SMCHD1: variants seen among roughly 807,000 people sequenced by gnomAD.
The protein encoded by SMCHD1 is structural maintenance of chromosomes flexible hinge domain containing 1, also known as structural maintenance of chromosomes flexible hinge domain-containing protein 1.
Under a neutral mutation model 254.7 loss-of-function variants are expected in SMCHD1, and 78 were observed. The ratio of observed to expected loss-of-function variants is 0.31; its 90% CI spans 0.26 to 0.37. SMCHD1 has a LOEUF of 0.37. SMCHD1 is among the 10% of genes least tolerant of loss of function. The pLI, the probability that SMCHD1 is intolerant of heterozygous loss-of-function variation, is 1.00. For synonymous variants in SMCHD1, 766 were observed against 794.9 expected, an observed-to-expected ratio of 0.96 and a Z score of 0.61; for missense variants, 1,840 against 2,408.1, an observed-to-expected ratio of 0.76 and a Z score of 4.94.
intron 36 of SMCHD1, among the ~76,000 whole-genome samples, chr18:2,763,111 G>A (rs2075814032): frequency 6.6e-6 from 1 of 152,162 alleles, no homozygotes; most frequent in Admixed American, 6.5e-5. Context: ...TTATTTTCCT[G>A]TTTTAGATGA....
At chr18:2,669,945 A>C (rs773836949) in intron 3 of SMCHD1, among the ~76,000 whole-genome samples, 3 of 152,160 alleles carry the variant, frequency 2.0e-5, no homozygotes, top group Non-Finnish European at 4.4e-5. Flanking sequence ...TCCTATTCTC[A>C]ATGTTTTATC....
At position 2,702,308 on chromosome 18, in the gene SMCHD1, A is replaced by AAAAAAAAAAAAAAAAAAAG. The variant is rs57964967; in HGVS notation, c.1648-1384_1648-1383insAAAAAAAAAAAAAAAAAAG. 3 of 119,786 alleles carry AAAAAAAAAAAAAAAAAAAG rather than the reference A, an allele frequency of 2.5e-5. 1 individual carries two copies. The highest frequency in any genetic ancestry group is 3.5e-5 in the Non-Finnish European group (2 of 56,456). The allele number at this position is 119,786 out of a possible 1,614,324, so 7.4% of individuals were successfully genotyped here. A position where few individuals can be genotyped will look rare whatever the true frequency, so the allele number is the denominator to read the frequency against. On this transcript the variant is annotated intron_variant, in intron 12 of 47. Coordinates refer to ENST00000320876, the MANE Select transcript of SMCHD1 (RefSeq NM_015295.3). ...TTCTGTATTTAAAAAAAAAAAAAAAAGAAGGAAATGTTCAAATACACAGAA... is the reference window on the plus strand; with the variant it reads ...TTCTGTATTTAAAAAAAAAAAAAAAAAAAAAAAAAAAAAAAAAAGGAAGGAAATGTTCAAATACACAGAA...
intron 1 of SMCHD1, among the ~76,000 whole-genome samples, chr18:2,663,637 T>C (rs2073355884): frequency 6.6e-6 from 1 of 152,118 alleles, no homozygotes; most frequent in Admixed American, 6.6e-5. Context: ...TAATGTCACC[T>C]CTCTTGTTTG....
Position 2,707,846 on chromosome 18 carries a change from C to T in SMCHD1, c.2186C>T (p.Ala729Val). Residue 729 changes from alanine (A) to valine (V), a missense_variant, in exon 17 of 48, where the codon GCA becomes GTA. By Grantham distance (64) the Ala-to-Val change is moderately conservative. Around this residue, in one of 9 missense-constraint regions of SMCHD1, gnomAD observed 498 missense variants for 743.5 expected, o/e 0.67. Transcript: ENST00000320876. ...GAAATACTGAATAAAAAAGGGGAAGCAATGCAAAAGCTTCCAGGAACAAGC... is the reference window on the plus strand; with the variant it reads ...GAAATACTGAATAAAAAAGGGGAAGTAATGCAAAAGCTTCCAGGAACAAGC... ...RIEILNKKGE[A>V]MQKLPGTSHG... is the part of the protein sequence containing the mutation. 6.2e-7 allele frequency: 1 copy of T among 1,608,702 alleles called. No homozygotes were observed. The highest frequency in any genetic ancestry group is 8.5e-7 in the Non-Finnish European group (1 of 1,177,766).
intron 20 of SMCHD1, 109 bp from the exon 21 acceptor site, chr18:2,724,790 A>G: frequency 2.2e-6 from 1 of 455,038 alleles, no homozygotes; most frequent in Non-Finnish European, 3.8e-6. Context: ...TTTAAAAAAT[A>G]TTTTATTAGA....
chr18:2,697,246 A>T, intron 9 of SMCHD1, 124 bp downstream of exon 9: 1 of 515,072 alleles, frequency 1.9e-6, no homozygotes, highest in Non-Finnish European at 3.5e-6. Context: ...TTTTTACCAA[A>T]CTACTTTCAT....
At chr18:2,731,067 G>A (rs758584462) in intron 24 of SMCHD1, among the ~76,000 whole-genome samples, 4 of 152,134 alleles carry the variant, frequency 2.6e-5, no homozygotes, top group Non-Finnish European at 5.9e-5. Flanking sequence ...TCCTCTAATA[G>A]GCAGTTACAA....
intron 5 of SMCHD1, among the ~76,000 whole-genome samples, chr18:2,686,088 A>AT (rs745409130): frequency 5.5e-4 from 83 of 152,046 alleles, no homozygotes; most frequent in Non-Finnish European, 8.2e-4. Context: ...TTCTTGGTGA[A>AT]TTTTTTTCAG....
At chr18:2,779,258 G>C (rs746397005) in intron 44 of SMCHD1, among the ~76,000 whole-genome samples, 4 of 152,156 alleles carry the variant, frequency 2.6e-5, no homozygotes, top group Non-Finnish European at 5.9e-5. Flanking sequence ...TGGGGTGGTG[G>C]CAGCTCTAAA....
Position 2,795,995 on chromosome 18 carries a change from G to T in SMCHD1, c.5766G>T (p.Val1922=). The change falls in exon 46 of 48, where the codon GTG becomes GTT. Residue 1922 remains valine, a synonymous_variant. Coordinates refer to ENST00000320876, the MANE Select transcript of SMCHD1 (RefSeq NM_015295.3). Reference sequence around the variant, plus strand: ...CTGCTGTGTGCAAACTAGACAGTGTGAATAAGGATCTTAACAGTCAATTAG... The same window carrying T: ...CTGCTGTGTGCAAACTAGACAGTGTTAATAAGGATCTTAACAGTCAATTAG... ...YRSAVCKLDS[V]NKDLNSQLEY... 6.3e-7 allele frequency: 1 copy of T among 1,598,424 alleles called. No individual in the cohort carries two copies. The highest frequency in any genetic ancestry group is 1.1e-5 in the South Asian group (1 of 88,194).
chr18:2,784,649 A>T, intron 45 of SMCHD1, 28 bp downstream of exon 45: 1 of 1,525,906 alleles, frequency 6.6e-7, no homozygotes, highest in Middle Eastern at 1.8e-4. Context: ...TTAAATAGCA[A>T]TTTCTAATTT....
At position 2,779,761 on chromosome 18, in the gene SMCHD1, G is replaced by A. The variant is rs543845625; in HGVS notation, c.5547+1522G>A. 2.7e-4 allele frequency among the ~76,000 whole-genome samples: 41 copies of A among 152,228 alleles called. No individual in the cohort carries two copies. In the South Asian group the frequency reaches 3.3e-3, roughly 12 times the overall value. Reference sequence around the variant, plus strand: ...CAAGAGTTCAAGGCTATAGGCTGTCGTGTGCTCTGATCATGCCTATGAATA... The same window carrying A: ...CAAGAGTTCAAGGCTATAGGCTGTCATGTGCTCTGATCATGCCTATGAATA... On this transcript the variant is annotated intron_variant, in intron 44 of 47. Transcript: ENST00000320876.
chr18:2,662,504 G>T (rs1194426818), intron 1 of SMCHD1, among the ~76,000 whole-genome samples: 1 of 151,676 alleles, frequency 6.6e-6, no homozygotes, highest in African/African-American at 2.4e-5. Flanking sequence ...AATTAGCCAG[G>T]TGTGGTGGCA....
At chr18:2,752,894 TTGC>T (rs1164127792) in intron 34 of SMCHD1, 6 of 195,246 alleles carry the variant, frequency 3.1e-5, no homozygotes, top group African/African-American at 1.4e-4. Flanking sequence ...TTTGAGCATG[TTGC>T]TGCTTCATTC....
chr18:2,767,778 A>G (rs1025138257), intron 37 of SMCHD1, among the ~76,000 whole-genome samples: 1 of 151,212 alleles, frequency 6.6e-6, no homozygotes, highest in African/African-American at 2.4e-5. Context: ...TTCAGTAGAG[A>G]CAGGGTTTCA....
chr18:2,668,553 ATGT>A (rs1462547447), intron 3 of SMCHD1, among the ~76,000 whole-genome samples: 1 of 152,270 alleles, frequency 6.6e-6, no homozygotes, highest in Non-Finnish European at 1.5e-5. Flanking sequence ...ATTACCTCTC[ATGT>A]TGTTCTTTTT....
intron 24 of SMCHD1, 83 bp from the exon 25 acceptor site, chr18:2,732,182 C>T: frequency 1.0e-6 from 1 of 1,004,424 alleles, no homozygotes; most frequent in Non-Finnish European, 1.5e-6. Context: ...GATGGTCTTC[C>T]ATAATATTGA....
At chr18:2,658,984 A>G (rs774129090) in intron 1 of SMCHD1, among the ~76,000 whole-genome samples, 4 of 152,034 alleles carry the variant, frequency 2.6e-5, no homozygotes, top group Non-Finnish European at 2.9e-5. Flanking sequence ...ACTCCACACT[A>G]TTTATTAGAA....
At chr18:2,720,774 A>G (rs2143391557) in intron 19 of SMCHD1, among the ~76,000 whole-genome samples, 1 of 152,300 alleles carries the variant, frequency 6.6e-6, no homozygotes, top group Admixed American at 6.5e-5. Context: ...TGACACTTTT[A>G]CATTTAATTG....
Sources: gnomAD v4.1 joint callset for allele counts (sites outside exome capture counted in the v4.1 genomes callset) on GRCh38, gnomAD v4.1.1 for gene constraint, gnomAD v4.1.1 regional missense constraint, MANE v1.5 for transcripts, NCBI Gene and HGNC (gene_info 2026-07-23, HGNC 2026-07-21) for gene names.